ANXA4: variants seen among roughly 807,000 people sequenced by gnomAD.
ANXA4 encodes the protein annexin A4.
ANXA4 carries 39 observed loss-of-function variants against 49.8 expected under a neutral mutation model. The observed-to-expected ratio is 0.78, with a 90% confidence interval of 0.61 to 1.02. ANXA4 has a LOEUF of 1.02. Among genes scored for constraint, ANXA4 ranks in the 50% least tolerant of loss-of-function variants. The pLI is 0.00. For synonymous variants in ANXA4, 134 were observed against 152.5 expected, an observed-to-expected ratio of 0.88 and a Z score of 0.89; for missense variants, 360 against 410.1, an observed-to-expected ratio of 0.88 and a Z score of 1.05.
chr2:69,819,696 C>T (rs1674148776), intron 11 of ANXA4, among the ~76,000 whole-genome samples: 1 of 152,114 alleles, frequency 6.6e-6, no homozygotes, highest in Non-Finnish European at 1.5e-5. Flanking sequence ...ACCTGGCATT[C>T]TAGCTCCAGA....
chr2:69,718,052 T>A (rs981559322), intron 2 of ANXA4, among the ~76,000 whole-genome samples: 1 of 152,168 alleles, frequency 6.6e-6, no homozygotes, highest in African/African-American at 2.4e-5. Flanking sequence ...TCATAGCAGA[T>A]GTTTAGTTTG....
At chr2:69,814,404 G>A (rs1168994308) in intron 8 of ANXA4, among the ~76,000 whole-genome samples, 4 of 135,162 alleles carry the variant, frequency 3.0e-5, no homozygotes, top group Non-Finnish European at 6.1e-5. Context: ...GTTGTGCAGT[G>A]GCATGATCTC....
chr2:69,762,216 A>G (rs1180291942), intron 1 of ANXA4, among the ~76,000 whole-genome samples: 7 of 152,222 alleles, frequency 4.6e-5, no homozygotes, highest in Non-Finnish European at 8.8e-5. Flanking sequence ...GTATAGAGAC[A>G]GTCTGTCAAA....
At chr2:69,730,676 C>T (rs189316288) in intron 3 of ANXA4, among the ~76,000 whole-genome samples, 180 of 152,326 alleles carry the variant, frequency 1.2e-3, no homozygotes, top group Non-Finnish European at 2.1e-3. Context: ...AGAGAACCTA[C>T]GTAAACATGC....
chr2:69,667,528 T>C (rs984035228), intron 2 of ANXA4, among the ~76,000 whole-genome samples: 1 of 152,054 alleles, frequency 6.6e-6, no homozygotes, highest in African/African-American at 2.4e-5. Context: ...TTCAGTCCGA[T>C]GTACAAAATA....
rs764520828 is a variant in ANXA4, at chr2:69,816,082, G to A, written c.535-19G>A. On this transcript the variant is annotated intron_variant, in intron 8 of 12. Coordinates refer to ENST00000394295, the MANE Select transcript of ANXA4 (RefSeq NM_001153.5). ...ACATCGTTTTTGGAATTTTAGACCT[G>A]TGCTTTGTTTGGCTTCAGGACCTGT... 1 of 1,607,524 alleles carries A rather than the reference G, an allele frequency of 6.2e-7. No individual in the cohort carries two copies. Among genetic ancestry groups the A allele is most frequent in the African/African-American group, 1.3e-5 (1 of 74,828 alleles).
At chr2:69,762,589 ATAAG>A (rs775829439) in intron 1 of ANXA4, among the ~76,000 whole-genome samples, 13 of 152,228 alleles carry the variant, frequency 8.5e-5, no homozygotes, top group South Asian at 2.1e-4. Flanking sequence ...AAATAAATAA[ATAAG>A]TATGTATTTA....
In ANXA4 at chr2:69,792,932, G is replaced by A. The variant is rs182263729; in HGVS notation, c.97+4791G>A. ...GTGCTACCAATTGTGAAGCAGGCAC[G>A]TTGATAGTTTTTAAAGGCTAAATAA... On this transcript the variant is annotated intron_variant, in intron 3 of 12. Coordinates refer to ENST00000394295, the MANE Select transcript of ANXA4 (RefSeq NM_001153.5). Among the ~76,000 whole-genome samples the A allele has an allele frequency of 3.5e-4, 54 of 152,290 alleles. No homozygotes were observed. The East Asian group carries it at 7.1e-3, about 20-fold the overall frequency.
intron 2 of ANXA4, among the ~76,000 whole-genome samples, chr2:69,678,771 G>A (rs1482059318): frequency 3.3e-5 from 5 of 152,106 alleles, no homozygotes; most frequent in South Asian, 2.1e-4. Flanking sequence ...TAATATTCAC[G>A]AGGCATTTAT....
intron 2 of ANXA4, among the ~76,000 whole-genome samples, chr2:69,783,928 G>T (rs1672305117): frequency 1.3e-5 from 2 of 152,104 alleles, no homozygotes. Context: ...CATCCGTATT[G>T]TTGCATCAGT....
intron 2 of ANXA4, among the ~76,000 whole-genome samples, chr2:69,709,147 A>C (rs1222258593): frequency 6.6e-6 from 1 of 152,162 alleles, no homozygotes; most frequent in African/African-American, 2.4e-5. Context: ...AAGTTCCTTA[A>C]ATTTTTTCCT....
intron 1 of ANXA4, among the ~76,000 whole-genome samples, chr2:69,748,244 T>G (rs1015198232): frequency 2.0e-5 from 3 of 151,828 alleles, no homozygotes; most frequent in African/African-American, 7.3e-5. Flanking sequence ...CCGGGAATGG[T>G]GGCGGGTGCC....
At chr2:69,731,128 A>C (rs1163175220) in intron 3 of ANXA4, among the ~76,000 whole-genome samples, 1 of 152,202 alleles carries the variant, frequency 6.6e-6, no homozygotes, top group East Asian at 1.9e-4. Flanking sequence ...AGAAGGTAAC[A>C]ACATAGGGCC....
chr2:69,679,058 G>A (rs896016213), intron 2 of ANXA4, among the ~76,000 whole-genome samples: 1 of 151,914 alleles, frequency 6.6e-6, no homozygotes, highest in South Asian at 2.1e-4. Flanking sequence ...TGTTTTTATT[G>A]TTTTGGTTTT....
chr2:69,733,833 G>T lies in ANXA4; in HGVS notation n.864+12962G>T, dbSNP rs192033538. Among the ~76,000 whole-genome samples, 394 of 152,008 alleles carry T rather than the reference G, an allele frequency of 2.6e-3. 4 individuals are homozygous for T. The highest frequency in any genetic ancestry group is 3.5e-3 in the Non-Finnish European group (237 of 67,986). On this transcript the variant is annotated intron_variant and non_coding_transcript_variant, in intron 3 of 3. Coordinates refer to the ANXA4 transcript ENST00000418066. ...AATACTTTCTTCTTTGACCTCTTAG[G>T]TGTTATGTTTTTTATGTTCCCGAAT...
chr2:69,719,934 A>G (rs1000976533), intron 2 of ANXA4, among the ~76,000 whole-genome samples: 1 of 152,122 alleles, frequency 6.6e-6, no homozygotes, highest in Non-Finnish European at 1.5e-5. Flanking sequence ...CGAAGTCTTT[A>G]CCAATTGGCA....
In ANXA4 at chr2:69,785,551, T is replaced by TTGA. The variant is rs10689485; in HGVS notation, c.10-2476_10-2474dup. 7.9e-3 allele frequency among the ~76,000 whole-genome samples: 1,199 copies of TTGA among 150,868 alleles called. 8 individuals are homozygous for TTGA. The highest frequency in any genetic ancestry group is 0.013 in the Admixed American group (199 of 15,104). On this transcript the variant is annotated intron_variant, in intron 2 of 12. Transcript: ENST00000394295. ...TATGGAGGTACAGCTGAAGTTCTCT[T>TTGA]TGATGATGATGATGATGATGATGAT... is the stretch of plus-strand genomic sequence containing the variant.
At chr2:69,748,028 C>G (rs1013635913) in intron 1 of ANXA4, among the ~76,000 whole-genome samples, 2 of 151,944 alleles carry the variant, frequency 1.3e-5, no homozygotes, top group Admixed American at 6.6e-5. Context: ...GAGAACGGAT[C>G]CCCTTTGCCC....
chr2:69,664,384 T>C (rs1301002806), intron 2 of ANXA4, among the ~76,000 whole-genome samples: 2 of 152,062 alleles, frequency 1.3e-5, no homozygotes, highest in African/African-American at 4.8e-5. Context: ...CAACTAAAAA[T>C]TGAATGGTGG....
Sources: gnomAD v4.1 joint callset for allele counts (sites outside exome capture counted in the v4.1 genomes callset) on GRCh38, gnomAD v4.1.1 for gene constraint, MANE v1.5 for transcripts, NCBI Gene and HGNC (gene_info 2026-07-23, HGNC 2026-07-21) for gene names.